Variants in ATXN1 observed in about 807,000 individuals in gnomAD.
ATXN1 encodes ataxin 1, also known as ataxin-1.
A neutral mutation model predicts 56.4 loss-of-function variants in ATXN1; 8 were observed. The ratio of observed to expected loss-of-function variants is 0.14; its 90% CI spans 0.08 to 0.26. The LOEUF (loss-of-function observed/expected upper bound fraction) is 0.26. Among genes scored for constraint, ATXN1 ranks in the 10% least tolerant of loss-of-function variants. The pLI is 1.00. For missense variants in ATXN1, 987 were observed against 1,106.5 expected, an observed-to-expected ratio of 0.89 and a Z score of 1.53; for synonymous variants, 514 against 494.6, an observed-to-expected ratio of 1.04 and a Z score of -0.52.
chr6:16,518,404 C>A (rs1345719073), intron 5 of ATXN1, among the ~76,000 whole-genome samples: 1 of 152,182 alleles, frequency 6.6e-6, no homozygotes, highest in Non-Finnish European at 1.5e-5. Flanking sequence ...GGATTTGGGC[C>A]TCTTTCTCCT....
intron 6 of ATXN1, among the ~76,000 whole-genome samples, chr6:16,380,746 A>T (rs1258474093): frequency 6.6e-6 from 1 of 152,106 alleles, no homozygotes; most frequent in Non-Finnish European, 1.5e-5. Flanking sequence ...CTTGACACTC[A>T]TCTCCCCAAA....
At chr6:16,569,391 T>C (rs1039995937) in intron 4 of ATXN1, among the ~76,000 whole-genome samples, 4 of 151,910 alleles carry the variant, frequency 2.6e-5, no homozygotes, top group Non-Finnish European at 4.4e-5. Flanking sequence ...CTGGGCATGG[T>C]GGTGTGAGCC....
chr6:16,523,412 G>A (rs1168977455), intron 4 of ATXN1, among the ~76,000 whole-genome samples: 2 of 152,198 alleles, frequency 1.3e-5, no homozygotes, highest in Non-Finnish European at 2.9e-5. Context: ...GGATGGGGAT[G>A]CCATCATAGC....
chr6:16,381,778 T>C (rs770164481), intron 6 of ATXN1, among the ~76,000 whole-genome samples: 5 of 152,184 alleles, frequency 3.3e-5, no homozygotes, highest in Admixed American at 6.5e-5. Context: ...ACAGTGAACA[T>C]TACAGCAGAC....
chr6:16,406,885 G>A (rs1166584467), intron 6 of ATXN1, among the ~76,000 whole-genome samples: 1 of 152,218 alleles, frequency 6.6e-6, no homozygotes, highest in Non-Finnish European at 1.5e-5. Context: ...TAGCAGTAGG[G>A]TGGACGCGTC....
chr6:16,661,834 GC>G (rs1195174121), intron 2 of ATXN1, among the ~76,000 whole-genome samples: 3 of 151,976 alleles, frequency 2.0e-5, no homozygotes, highest in South Asian at 4.2e-4. Context: ...GATCCCTACC[GC>G]CCCCACCCTA....
chr6:16,474,579 G>T (rs537838663), intron 6 of ATXN1, among the ~76,000 whole-genome samples: 1 of 152,168 alleles, frequency 6.6e-6, no homozygotes, highest in Non-Finnish European at 1.5e-5. Context: ...GGGATGGCTT[G>T]TTACACAGTA....
In ATXN1 at chr6:16,510,005, T is replaced by C. The variant is rs113439237; in HGVS notation, c.-299+12622A>G. Among the ~76,000 whole-genome samples the C allele has an allele frequency of 6.5e-3, 996 of 152,244 alleles. 6 individuals are homozygous for C. Among genetic ancestry groups the C allele is most frequent in the African/African-American group, 0.022 (933 of 41,532 alleles). On this transcript the variant is annotated intron_variant, in intron 5 of 7. Coordinates refer to ENST00000436367, the MANE Select transcript of ATXN1 (RefSeq NM_001128164.2). ...ACTAAAATCCCATTCCCAAATCACC[T>C]TCTCTGTGGAAATTGGCCTGATCTT...
chr6:16,437,061 T>A (rs1759408997), intron 6 of ATXN1, among the ~76,000 whole-genome samples: 1 of 152,034 alleles, frequency 6.6e-6, no homozygotes, highest in Non-Finnish European at 1.5e-5. Flanking sequence ...GGGTAGAATA[T>A]CAAGAGTTCA....
chr6:16,645,983 G>C (rs1763792536), intron 3 of ATXN1, among the ~76,000 whole-genome samples: 1 of 152,080 alleles, frequency 6.6e-6, no homozygotes. Context: ...ACTCTGAGAG[G>C]CCAAAGCAGG....
intron 6 of ATXN1, among the ~76,000 whole-genome samples, chr6:16,349,192 T>C (rs149545849): frequency 5.3e-5 from 8 of 152,306 alleles, no homozygotes; most frequent in Admixed American, 5.2e-4. Flanking sequence ...TGTGGTCCTA[T>C]TTTCATCTGC....
In ATXN1 at chr6:16,326,796, G is replaced by T; in HGVS notation, c.1515C>A (p.Ala505=). The T allele has an allele frequency of 1.2e-6, 2 of 1,610,272 alleles. No homozygotes were observed. Among genetic ancestry groups the T allele is most frequent in the Non-Finnish European group, 1.7e-6 (2 of 1,177,400 alleles). ...GSTDMEASGA[A]PAIVTSSPQF... ...GGGGGGATGACGTGACTATGGCCGGGGCTGCCCCCGACGCTTCCATGTCAG... is the reference window on the plus strand; with the variant it reads ...GGGGGGATGACGTGACTATGGCCGGTGCTGCCCCCGACGCTTCCATGTCAG... Residue 505 remains alanine, a synonymous_variant, in exon 7 of 8, where the codon GCC becomes GCA. Coordinates refer to ENST00000436367, the MANE Select transcript of ATXN1 (RefSeq NM_001128164.2). This position sits in a 1 kb window ranked among gnomAD's most constrained non-coding sequence, Gnocchi z 6.6.
intron 5 of ATXN1, among the ~76,000 whole-genome samples, chr6:16,488,496 T>G (rs1760595473): frequency 6.6e-6 from 1 of 152,234 alleles, no homozygotes; most frequent in Non-Finnish European, 1.5e-5. Context: ...CTTACCCACA[T>G]GAGCCGCAAG....
intron 5 of ATXN1, among the ~76,000 whole-genome samples, chr6:16,497,752 A>G (rs1419463955): frequency 6.6e-6 from 1 of 152,212 alleles, no homozygotes. Flanking sequence ...GAGGTGCCCA[A>G]GCTTCTGTTT....
intron 4 of ATXN1, among the ~76,000 whole-genome samples, chr6:16,530,996 A>T (rs1761493061): frequency 6.6e-6 from 1 of 152,240 alleles, no homozygotes; most frequent in Non-Finnish European, 1.5e-5. Context: ...TAAGTCCTCT[A>T]ACAGCTAGCA....
chr6:16,391,729 A>T lies in ATXN1; in HGVS notation c.-160-63259T>A, dbSNP rs536758072. ...TCTGGAAAAGCAATGTGTCCTATGA[A>T]CTAGACTTTTCACCTGTAAGCATGG... On this transcript the variant is annotated intron_variant, in intron 6 of 7. Transcript: ENST00000436367. 1.1e-4 allele frequency among the ~76,000 whole-genome samples: 16 copies of T among 152,304 alleles called. 1 individual carries two copies. Among genetic ancestry groups the T allele is most frequent in the East Asian group, 5.8e-4 (3 of 5,190 alleles).
At chr6:16,665,825 C>T (rs1011235171) in intron 2 of ATXN1, among the ~76,000 whole-genome samples, 2 of 152,158 alleles carry the variant, frequency 1.3e-5, no homozygotes, top group African/African-American at 4.8e-5. Context: ...AGGCAAGAAA[C>T]TGTGAGAAGT....
chr6:16,396,750 T>C (rs1758466878), intron 6 of ATXN1, among the ~76,000 whole-genome samples: 1 of 152,178 alleles, frequency 6.6e-6, no homozygotes, highest in African/African-American at 2.4e-5. Context: ...CAAGCTCCAT[T>C]CATGGTAAGT....
intron 3 of ATXN1, among the ~76,000 whole-genome samples, chr6:16,592,204 T>C (rs1462131252): frequency 6.6e-6 from 1 of 152,106 alleles, no homozygotes; most frequent in Non-Finnish European, 1.5e-5. Context: ...AGCACTTCAG[T>C]GATGATGAAT....
Sources: allele counts gnomAD v4.1 joint callset (sites outside exome capture counted in the v4.1 genomes callset), GRCh38; gene constraint gnomAD v4.1.1; non-coding constraint Gnocchi (gnomAD v3.1); transcripts MANE v1.5; gene names NCBI Gene and HGNC (gene_info 2026-07-23, HGNC 2026-07-21).